The following SLC15A5 variants were observed in gnomAD, a reference collection of about 807,000 sequenced individuals.
The protein encoded by SLC15A5 is Peptide/histidine transporter ENSP00000340402.
Under a neutral mutation model 56.1 loss-of-function variants are expected in SLC15A5, and 58 were observed. The observed-to-expected ratio is 1.03, with a 90% CI of 0.84 to 1.29. SLC15A5 has a LOEUF of 1.29. Among genes scored for constraint, SLC15A5 ranks in the 50% most tolerant of loss-of-function variants. The probability of loss-of-function intolerance (pLI) is 0.00; values close to 1 mark genes in which losing one functional copy is unlikely to be tolerated. For synonymous variants in SLC15A5, 264 were observed against 250.5 expected (o/e 1.05, Z -0.51); for missense variants, 681 against 672.1 (o/e 1.01, Z -0.15).
At chr12:16,266,331 G>A (rs1310918468) in intron 2 of SLC15A5, among the ~76,000 whole-genome samples, 1 of 152,108 alleles carries the variant, frequency 6.6e-6, no homozygotes. Flanking sequence ...AAAATCTCAG[G>A]GAACACCGTG....
chr12:16,254,597 G>A (rs1160840470), intron 3 of SLC15A5, among the ~76,000 whole-genome samples: 1 of 152,024 alleles, frequency 6.6e-6, no homozygotes, highest in Non-Finnish European at 1.5e-5. Flanking sequence ...TTCATTTGTT[G>A]TTGGATGCCT....
rs1409840036 is a variant in SLC15A5 at position 16,271,617 on chromosome 12, C to A, written c.584+944G>T. ...AGAAAGAAAGAGAAAAGAGGAACTG[C>A]CTCGGATAGCTACATATGCCTATAC... is the stretch of plus-strand genomic sequence containing the variant. On this transcript the variant is annotated intron_variant, in intron 2 of 8. Coordinates refer to ENST00000344941, the MANE Select transcript of SLC15A5 (RefSeq NM_001170798.1). This position sits in a 1 kb window ranked among gnomAD's most constrained non-coding sequence, Gnocchi z 8.0. Among the ~76,000 whole-genome samples the A allele has an allele frequency of 6.6e-6, 1 of 151,618 alleles. No homozygotes were observed. The highest frequency in any genetic ancestry group is 1.5e-5 in the Non-Finnish European group (1 of 67,918).
intron 5 of SLC15A5, among the ~76,000 whole-genome samples, chr12:16,228,476 A>T (rs191059707): frequency 3.1e-4 from 47 of 152,332 alleles, no homozygotes; most frequent in Non-Finnish European, 6.2e-4. Context: ...TCTCTTCCAC[A>T]TCTGTGGTCC....
chr12:16,271,633 A>G lies in SLC15A5; in HGVS notation c.584+928T>C, dbSNP rs970568622. Among the ~76,000 whole-genome samples, 14 of 152,166 alleles carry G rather than the reference A, an allele frequency of 9.2e-5. No homozygotes were observed. Among genetic ancestry groups the G allele is most frequent in the Admixed American group, 8.5e-4 (13 of 15,268 alleles). The stretch of plus-strand genomic sequence containing the variant: ...GAGGAACTGCCTCGGATAGCTACAT[A>G]TGCCTATACATACACATATAGACAC... On this transcript the variant is annotated intron_variant, in intron 2 of 8. Coordinates refer to ENST00000344941, the MANE Select transcript of SLC15A5 (RefSeq NM_001170798.1). This position sits in a 1 kb window ranked among gnomAD's most constrained non-coding sequence, Gnocchi z 8.0.
At chr12:16,197,023 G>A (rs1227303793) in intron 7 of SLC15A5, among the ~76,000 whole-genome samples, 2 of 151,614 alleles carry the variant, frequency 1.3e-5, no homozygotes, top group Admixed American at 6.6e-5. Flanking sequence ...TACTAGAAAA[G>A]TTAGAGAAAG....
intron 7 of SLC15A5, among the ~76,000 whole-genome samples, chr12:16,195,389 G>A (rs1240054051): frequency 3.3e-5 from 5 of 152,028 alleles, no homozygotes; most frequent in African/African-American, 1.2e-4. Flanking sequence ...ACAGCAAGGA[G>A]AACTAGTATT....
At chr12:16,206,279 G>C (rs1591641489) in intron 7 of SLC15A5, among the ~76,000 whole-genome samples, 1 of 152,272 alleles carries the variant, frequency 6.6e-6, no homozygotes, top group East Asian at 1.9e-4. Flanking sequence ...TACCTCCAAA[G>C]AATTGTTGTG....
At chr12:16,217,453 G>A (rs1004909339) in intron 6 of SLC15A5, among the ~76,000 whole-genome samples, 19 of 152,206 alleles carry the variant, frequency 1.2e-4, no homozygotes, top group African/African-American at 4.6e-4. Flanking sequence ...AAGGTTAAGA[G>A]CATGGGCTCT....
Position 16,256,720 on chromosome 12 carries a change from G to A in SLC15A5, c.754+981C>T, listed in dbSNP as rs544241054. ...TAAAAATACAAAAAATTAGCCAGGCGTGGTGGCGGGCACCTGTAGTCCCAG... is the reference window on the plus strand; with the variant it reads ...TAAAAATACAAAAAATTAGCCAGGCATGGTGGCGGGCACCTGTAGTCCCAG... On this transcript the variant is annotated intron_variant, in intron 3 of 8. Transcript: ENST00000344941. 7.2e-5 allele frequency among the ~76,000 whole-genome samples: 11 copies of A among 152,076 alleles called. No individual in the cohort carries two copies. In the South Asian group the frequency reaches 2.1e-3, roughly 29 times the overall value.
chr12:16,190,926 G>A (rs181885897), intron 8 of SLC15A5, among the ~76,000 whole-genome samples: 99 of 152,174 alleles, frequency 6.5e-4, no homozygotes, highest in Non-Finnish European at 1.5e-5. Flanking sequence ...GGACAGTGGT[G>A]TTAGTTATAA....
chr12:16,220,397 T>G (rs1400385124), intron 6 of SLC15A5, among the ~76,000 whole-genome samples: 1 of 152,208 alleles, frequency 6.6e-6, no homozygotes, highest in Admixed American at 6.5e-5. Flanking sequence ...CCTTCCCACC[T>G]TCCATCCTTT....
In SLC15A5 at chr12:16,235,946, T is replaced by A. The variant is rs1276813652; in HGVS notation, c.1162+3735A>T. ...CTGTGACTATATCATAAAAGACTTT[T>A]AGCTGGAACTTGAATTTTCATGTTT... On this transcript the variant is annotated intron_variant, in intron 5 of 8. Coordinates refer to ENST00000344941, the MANE Select transcript of SLC15A5 (RefSeq NM_001170798.1). The surrounding 1 kb of genome is among the most constrained non-coding windows in gnomAD (Gnocchi z 4.1). Among the ~76,000 whole-genome samples the A allele has an allele frequency of 3.3e-5, 5 of 152,166 alleles. No individual in the cohort carries two copies. The highest frequency in any genetic ancestry group is 7.4e-5 in the Non-Finnish European group (5 of 67,996).
intron 3 of SLC15A5, 57 bp downstream of exon 3, chr12:16,257,644 T>C (rs1591658161): frequency 1.6e-6 from 2 of 1,248,508 alleles, no homozygotes; most frequent in Non-Finnish European, 2.1e-6. Context: ...AGAGAAAGGA[T>C]ATCTGTCAAG....
intron 7 of SLC15A5, among the ~76,000 whole-genome samples, chr12:16,216,191 C>A (rs926513109): frequency 3.3e-5 from 5 of 151,978 alleles, no homozygotes; most frequent in Non-Finnish European, 7.4e-5. Context: ...AAAGATATAT[C>A]GACATTTTAG....
rs528036000 is a variant in SLC15A5, at chr12:16,261,524, G to A, written c.585-3654C>T. Among the ~76,000 whole-genome samples the A allele has an allele frequency of 5.3e-5, 8 of 152,132 alleles. No individual in the cohort carries two copies. The East Asian group carries it at 9.6e-4, about 18-fold the overall frequency. On this transcript the variant is annotated intron_variant, in intron 2 of 8. Transcript: ENST00000344941. Reference sequence around the variant, plus strand: ...TCAGCTTATTGCTATTACAAATAACGCTGTTAAGAACATTCATATACAAGC... The same window carrying A: ...TCAGCTTATTGCTATTACAAATAACACTGTTAAGAACATTCATATACAAGC...
At chr12:16,241,405 A>C (rs982862490) in intron 4 of SLC15A5, among the ~76,000 whole-genome samples, 1 of 152,226 alleles carries the variant, frequency 6.6e-6, no homozygotes, top group Non-Finnish European at 1.5e-5. Context: ...GTGTCAGTAC[A>C]GCTGTTACCA....
intron 2 of SLC15A5, among the ~76,000 whole-genome samples, chr12:16,266,979 A>G (rs541624903): frequency 6.6e-6 from 1 of 152,342 alleles, no homozygotes; most frequent in South Asian, 2.1e-4. Context: ...AGCAATCCTT[A>G]TGAGATTATT....
At chr12:16,217,304 C>G (rs904130560) in intron 6 of SLC15A5, among the ~76,000 whole-genome samples, 10 of 152,132 alleles carry the variant, frequency 6.6e-5, no homozygotes, top group Non-Finnish European at 1.3e-4. Flanking sequence ...TAATTTCACT[C>G]CAAATTGAAT....
chr12:16,252,610 T>G (rs1323686613), intron 3 of SLC15A5, among the ~76,000 whole-genome samples: 1 of 152,010 alleles, frequency 6.6e-6, no homozygotes, highest in Non-Finnish European at 1.5e-5. Context: ...GGTGAAAGAC[T>G]TGTATAATGG....
Sources: allele counts gnomAD v4.1 joint callset (sites outside exome capture counted in the v4.1 genomes callset), GRCh38; gene constraint gnomAD v4.1.1; non-coding constraint Gnocchi (gnomAD v3.1); transcripts MANE v1.5; gene names NCBI Gene and HGNC (gene_info 2026-07-23, HGNC 2026-07-21).